DBI: variants seen among roughly 807,000 people sequenced by gnomAD.
The protein encoded by DBI is acyl-CoA-binding protein.
DBI carries 12 observed loss-of-function variants against 13.0 expected under a neutral mutation model. The observed-to-expected ratio is 0.92, with a 90% CI of 0.59 to 1.49. DBI has a LOEUF of 1.49. DBI is among the 40% of genes most tolerant of loss of function. The probability of loss-of-function intolerance (pLI) is 0.00; values close to 1 mark genes in which losing one functional copy is unlikely to be tolerated. For missense variants in DBI, 95 were observed against 104.8 expected, an observed-to-expected ratio of 0.91 and a Z score of 0.41; for synonymous variants, 37 against 37.4, an observed-to-expected ratio of 0.99 and a Z score of 0.04.
chr2:119,368,804 G>C (rs1228319670), intron 2 of DBI: 1 of 163,908 alleles, frequency 6.1e-6, no homozygotes. Flanking sequence ...AGAAATCTTG[G>C]TGCAGATTTT....
intron 1 of DBI, 39 bp from the exon 2 acceptor site, chr2:119,368,149 A>G: frequency 6.4e-7 from 1 of 1,573,800 alleles, no homozygotes; most frequent in Non-Finnish European, 8.7e-7. Context: ...TCTCCCACCC[A>G]GAGGAGGCCC....
At chr2:119,370,847 G>A in intron 3 of DBI, 45 bp downstream of exon 3, 2 of 1,541,316 alleles carry the variant, frequency 1.3e-6, no homozygotes, top group Admixed American at 1.7e-5. Flanking sequence ...ACCCAGTAGT[G>A]AAAGAGTCTT....
At chr2:119,367,445 C>T in intron 1 of DBI, 4 of 1,556,180 alleles carry the variant, frequency 2.6e-6, no homozygotes, top group Non-Finnish European at 1.7e-6. Flanking sequence ...GCGAGGAGTC[C>T]GTGGCCGAGA....
Position 119,368,237 on chromosome 2 carries a change from C to T in DBI, c.59C>T (p.Pro20Leu). The change falls in exon 2 of 4, where the codon CCA becomes CTA. Residue 20 changes from proline to leucine, a missense_variant. Physicochemically the swap from Pro to Leu is moderately conservative, Grantham distance 98. Coordinates refer to ENST00000355857, the MANE Select transcript of DBI (RefSeq NM_001079862.4). ...GAGGTTAGGCACCTTAAGACCAAGC[C>T]ATCGGATGAGGAGATGCTGTTCATC... ...AEEVRHLKTK[P>L]SDEEMLFIYG... 1 of 1,614,074 alleles carries T rather than the reference C, an allele frequency of 6.2e-7. No individual in the cohort carries two copies. The highest frequency in any genetic ancestry group is 8.5e-7 in the Non-Finnish European group (1 of 1,180,016).
At chr2:119,371,071 T>G (rs1486985030) in intron 3 of DBI, among the ~76,000 whole-genome samples, 1 of 152,080 alleles carries the variant, frequency 6.6e-6, no homozygotes, top group African/African-American at 2.4e-5. Context: ...GTTTGGGAAA[T>G]GATGTAGTTG....
intron 2 of DBI, among the ~76,000 whole-genome samples, chr2:119,369,425 G>A (rs541970351): frequency 4.8e-4 from 73 of 152,278 alleles, no homozygotes; most frequent in African/African-American, 1.5e-3. Flanking sequence ...CCTATTACAC[G>A]ATTATAAAAC....
At chr2:119,370,605 C>A (rs1233283587) in intron 2 of DBI, 135 bp from the exon 3 acceptor site, 3 of 729,410 alleles carry the variant, frequency 4.1e-6, no homozygotes, top group African/African-American at 1.8e-5. Context: ...ACCCACTCTA[C>A]TAGACCTATT....
chr2:119,367,422 G>T, intron 1 of DBI: 1 of 1,517,912 alleles, frequency 6.6e-7, no homozygotes. Context: ...GGACGTCGCG[G>T]CGGAGTGGGG....
At chr2:119,369,484 T>C (rs1186924152) in intron 2 of DBI, among the ~76,000 whole-genome samples, 1 of 152,176 alleles carries the variant, frequency 6.6e-6, no homozygotes, top group Non-Finnish European at 1.5e-5. Flanking sequence ...TAGCCACATA[T>C]GACTATATAA....
At chr2:119,370,898 ATGGGGC>A in intron 3 of DBI, 96 bp downstream of exon 3, 2 of 1,191,048 alleles carry the variant, frequency 1.7e-6, no homozygotes, top group Non-Finnish European at 2.4e-6. Flanking sequence ...AACAAAGTCA[ATGGGGC>A]ACGTGTGGGA....
chr2:119,367,037 T>G lies in DBI; in HGVS notation c.-15T>G, dbSNP rs1236693166. On this transcript the variant is annotated 5_prime_UTR_variant, in exon 1 of 4. Coordinates refer to ENST00000355857, the MANE Select transcript of DBI (RefSeq NM_001079862.4). ...TCCTCCGCTGTCTCCCTGGAGTTCT[T>G]GCAAGTCGGCCAGGATGTCTCAGGT... 11 of 1,614,082 alleles carry G rather than the reference T, an allele frequency of 6.8e-6. No homozygotes were observed. The highest frequency in any genetic ancestry group is 9.3e-6 in the Non-Finnish European group (11 of 1,179,998).
intron 3 of DBI, among the ~76,000 whole-genome samples, chr2:119,371,663 A>G (rs958659224): frequency 6.6e-5 from 10 of 152,352 alleles, no homozygotes; most frequent in Non-Finnish European, 1.5e-4. Flanking sequence ...TCTGAGGGAT[A>G]CATTCAGTGT....
chr2:119,368,111 T>C (rs899726964), intron 1 of DBI, 77 bp from the exon 2 acceptor site: 2 of 1,492,172 alleles, frequency 1.3e-6, no homozygotes, highest in Non-Finnish European at 1.9e-6. Flanking sequence ...AACTGGGCTG[T>C]CATCAGGCCA....
At chr2:119,368,054 G>A (rs1030251117) in intron 1 of DBI, 134 bp from the exon 2 acceptor site, 120 of 1,517,304 alleles carry the variant, frequency 7.9e-5, no homozygotes, top group Middle Eastern at 7.0e-4. Context: ...CACTTCAGGG[G>A]CTGCATTGCC....
intron 1 of DBI, chr2:119,367,864 C>G: frequency 6.2e-7 from 1 of 1,614,022 alleles, no homozygotes; most frequent in Non-Finnish European, 8.5e-7. Flanking sequence ...CAGAGGGGAC[C>G]CCCACTGGGG....
intron 2 of DBI, chr2:119,370,133 A>G (rs1681406435): frequency 6.6e-6 from 1 of 152,250 alleles, no homozygotes; most frequent in East Asian, 1.9e-4. Context: ...TCGTAGTGAA[A>G]TAGGACAACA....
rs1055733016 is a variant in DBI at position 119,372,422 on chromosome 2, T to C, written c.*104T>C. The C allele has an allele frequency of 3.7e-5, 32 of 857,246 alleles. No homozygotes were observed. Among genetic ancestry groups the C allele is most frequent in the Non-Finnish European group, 1.9e-6 (1 of 519,968 alleles). The allele number at this position is 857,246 out of a possible 1,614,324, so 53.1% of individuals were successfully genotyped here. On this transcript the variant is annotated 3_prime_UTR_variant, in exon 4 of 4. Transcript: ENST00000355857. ...GTGGGAATTCGGGAAAATAACCAGT[T>C]AAACCAGCTACTCAAGGCTGCTCAC...
At chr2:119,369,645 G>T (rs566053056) in intron 2 of DBI, among the ~76,000 whole-genome samples, 1 of 152,120 alleles carries the variant, frequency 6.6e-6, no homozygotes, top group Non-Finnish European at 1.5e-5. Flanking sequence ...AATTAGCTGG[G>T]CATGGTGGCA....
chr2:119,367,223 G>A, intron 1 of DBI, 163 bp downstream of exon 1: 1 of 1,444,080 alleles, frequency 6.9e-7, no homozygotes, highest in Admixed American at 2.8e-5. Context: ...TTGTGAGCGG[G>A]ATTTTCCGTT....
Sources: gnomAD v4.1 joint callset for allele counts (sites outside exome capture counted in the v4.1 genomes callset) on GRCh38, gnomAD v4.1.1 for gene constraint, MANE v1.5 for transcripts, NCBI Gene and HGNC (gene_info 2026-07-23, HGNC 2026-07-21) for gene names.